The following ITGA11 variants were observed in gnomAD, a reference collection of about 807,000 sequenced individuals.
ITGA11 encodes the protein integrin subunit alpha 11, also known as integrin alpha-11.
A neutral mutation model predicts 141.9 loss-of-function variants in ITGA11; 97 were observed. The ratio of observed to expected loss-of-function variants is 0.68; its 90% confidence interval spans 0.58 to 0.81. The LOEUF is 0.81. Ranked by LOEUF, ITGA11 falls within the 30% of genes least tolerant of loss-of-function variation. The pLI, the probability that ITGA11 is intolerant of heterozygous loss-of-function variation, is 0.00. For synonymous variants in ITGA11, 658 were observed against 624.6 expected (o/e 1.05, Z -0.80); for missense variants, 1,387 against 1,559.2 (o/e 0.89, Z 1.86).
intron 10 of ITGA11, among the ~76,000 whole-genome samples, chr15:68,343,248 G>C (rs1311183038): frequency 6.6e-6 from 1 of 152,142 alleles, no homozygotes; most frequent in African/African-American, 2.4e-5. Flanking sequence ...TGTGAGAAGT[G>C]CTCTGATGGA....
chr15:68,330,009 T>G (rs7179228), intron 15 of ITGA11, among the ~76,000 whole-genome samples: 103,213 of 152,196 alleles, frequency 0.68, 37,882 homozygotes, highest in South Asian at 0.83. Context: ...TACGCCACAC[T>G]GGAAATGCTG....
Position 68,307,753 on chromosome 15 carries a change from G to T in ITGA11, c.3175-57C>A. 8.3e-7 allele frequency: 1 copy of T among 1,211,246 alleles called. No individual in the cohort carries two copies. Among genetic ancestry groups the T allele is most frequent in the Non-Finnish European group, 1.2e-6 (1 of 825,112 alleles). 75.0% of individuals were successfully genotyped at this position (1,211,246 alleles called of 1,614,324 possible). Reference sequence around the variant, plus strand: ...TGCTGGGCTAGGGGAGCAGGGGGCAGCAACACTGCTTGAACGACTGGGGCT... The same window carrying T: ...TGCTGGGCTAGGGGAGCAGGGGGCATCAACACTGCTTGAACGACTGGGGCT... On this transcript the variant is annotated intron_variant, in intron 26 of 29. Coordinates refer to ENST00000315757, the MANE Select transcript of ITGA11 (RefSeq NM_001004439.2). This position sits in a 1 kb window ranked among gnomAD's most constrained non-coding sequence, Gnocchi z 6.1.
chr15:68,319,342 G>A (rs1416319264), intron 20 of ITGA11, among the ~76,000 whole-genome samples: 1 of 152,260 alleles, frequency 6.6e-6, no homozygotes, highest in East Asian at 1.9e-4. Context: ...TTAAATGCAT[G>A]CCAAGTGCTA....
chr15:68,404,146 C>T (rs1896581089), intron 1 of ITGA11, among the ~76,000 whole-genome samples: 6 of 151,978 alleles, frequency 3.9e-5, no homozygotes, highest in Admixed American at 3.9e-4. Context: ...CTTCTCTTCC[C>T]TCCTCCTCCC....
rs1466247214 is a variant in ITGA11 at position 68,358,573 on chromosome 15, T to C, written c.485A>G (p.Tyr162Cys). 1.9e-6 allele frequency: 3 copies of C among 1,613,434 alleles called. No individual in the cohort carries two copies. The highest frequency in any genetic ancestry group is 2.5e-6 in the Non-Finnish European group (3 of 1,179,664). Reference protein sequence around the residue: ...VAPALQRCQTYMDIVIVLDGS... With the variant: ...VAPALQRCQTCMDIVIVLDGS... ...ATCCAGGACAATGACGATGTCCATG[T>C]AGGTCTGGCACCCTGGAAAGTGGGG... The change falls in exon 6 of 30, where the codon TAC becomes TGC. Residue 162 changes from tyrosine to cysteine, a missense_variant. By Grantham distance (194) the Tyr-to-Cys change is radical. Transcript: ENST00000315757.
At position 68,328,250 on chromosome 15, in the gene ITGA11, C is replaced by A. The variant is rs367746759; in HGVS notation, c.1914G>T (p.Val638=). Residue 638 remains valine (V), a synonymous_variant, in exon 16 of 30, where the codon GTG becomes GTT. Transcript: ENST00000315757. This position sits in a 1 kb window ranked among gnomAD's most constrained non-coding sequence, Gnocchi z 4.8. ...AGTGGAGGCTGGCATTGATCTGAAC[C>A]ACTGGGCGGGACCTGGAGGAGAAGG... ...GNAVILWSRP[V]VQINASLHFE... The A allele has an allele frequency of 1.5e-5, 24 of 1,613,534 alleles. No homozygotes were observed. In the African/African-American group the frequency reaches 2.8e-4, roughly 19 times the overall value.
In ITGA11 at chr15:68,305,297, T is replaced by C. The variant is rs919254128; in HGVS notation, c.3382-1412A>G. On this transcript the variant is annotated intron_variant, in intron 28 of 29. Coordinates refer to ENST00000315757, the MANE Select transcript of ITGA11 (RefSeq NM_001004439.2). This position sits in a 1 kb window ranked among gnomAD's most constrained non-coding sequence, Gnocchi z 4.6. Reference sequence around the variant, plus strand: ...TGATGTCACTTTATTGGAGAGGCTTTTCCCAACTCCCCTGTATAAAACAGC... The same window carrying C: ...TGATGTCACTTTATTGGAGAGGCTTCTCCCAACTCCCCTGTATAAAACAGC... 6.6e-6 allele frequency among the ~76,000 whole-genome samples: 1 copy of C among 152,242 alleles called. No homozygotes were observed. Among genetic ancestry groups the C allele is most frequent in the Non-Finnish European group, 1.5e-5 (1 of 68,042 alleles).
intron 9 of ITGA11, 145 bp from the exon 10 acceptor site, chr15:68,349,045 G>T (rs145528889): frequency 1.8e-4 from 132 of 718,154 alleles, no homozygotes; most frequent in Non-Finnish European, 2.9e-4. Context: ...TGAAGCTGAG[G>T]CCAGTAGTGT....
At chr15:68,354,963 G>T (rs369594070) in intron 7 of ITGA11, among the ~76,000 whole-genome samples, 2 of 152,338 alleles carry the variant, frequency 1.3e-5, no homozygotes, top group African/African-American at 4.8e-5. Flanking sequence ...GGAAGTTTGG[G>T]AAGATCAGAA....
intron 2 of ITGA11, among the ~76,000 whole-genome samples, chr15:68,384,671 T>C (rs1895941629): frequency 6.6e-6 from 1 of 152,248 alleles, no homozygotes; most frequent in Admixed American, 6.5e-5. Context: ...ACTGGGTGGT[T>C]CATCCTATCC....
rs1892950182 is a variant in ITGA11 at position 68,298,288 on chromosome 15, AG to A, written c.*4770del. 1 of 152,180 alleles carries A rather than the reference AG, an allele frequency of 6.6e-6. No homozygotes were observed. The highest frequency in any genetic ancestry group is 1.5e-5 in the Non-Finnish European group (1 of 68,034). The allele number at this position is 152,180 out of a possible 1,614,324, so 9.4% of individuals were successfully genotyped here. On this transcript the variant is annotated 3_prime_UTR_variant, in exon 30 of 30. Transcript: ENST00000315757. The stretch of plus-strand genomic sequence containing the variant: ...TGTGCTTTAGAAATTTGGTGTGCTC[AG>A]TCCATCAGAGGGGCGGACTGGGGTT...
chr15:68,355,390 A>G (rs1029699306), intron 7 of ITGA11, among the ~76,000 whole-genome samples: 1 of 152,220 alleles, frequency 6.6e-6, no homozygotes, highest in African/African-American at 2.4e-5. Context: ...TGAGGTTGGA[A>G]AAGTCTTAAT....
intron 10 of ITGA11, among the ~76,000 whole-genome samples, chr15:68,344,810 C>T (rs1022765870): frequency 6.6e-6 from 1 of 152,152 alleles, no homozygotes. Flanking sequence ...GGATCTCTTC[C>T]CACCTTGGGT....
At chr15:68,351,611 T>C (rs1894913749) in intron 7 of ITGA11, among the ~76,000 whole-genome samples, 1 of 152,210 alleles carries the variant, frequency 6.6e-6, no homozygotes, top group Non-Finnish European at 1.5e-5. Flanking sequence ...CTTAGATCTG[T>C]TGTTTTTAAA....
chr15:68,307,546 T>A lies in ITGA11; in HGVS notation c.3285+40A>T. ...AAGACATCCCAACAGCCGCCCCCTT[T>A]CCCTTCTTCCTTCCAGCCCAGCCCA... On this transcript the variant is annotated intron_variant, in intron 27 of 29. Transcript: ENST00000315757. This position sits in a 1 kb window ranked among gnomAD's most constrained non-coding sequence, Gnocchi z 6.1. 1 of 1,547,154 alleles carries A rather than the reference T, an allele frequency of 6.5e-7. No homozygotes were observed. Among genetic ancestry groups the A allele is most frequent in the Non-Finnish European group, 8.9e-7 (1 of 1,129,252 alleles).
chr15:68,316,342 C>A (rs1230804488), intron 21 of ITGA11, among the ~76,000 whole-genome samples: 1 of 152,226 alleles, frequency 6.6e-6, no homozygotes, highest in East Asian at 1.9e-4. Context: ...CGACCCTCCT[C>A]GCCTCCTCCC....
chr15:68,342,647 G>C (rs955556012), intron 10 of ITGA11, among the ~76,000 whole-genome samples: 4 of 152,198 alleles, frequency 2.6e-5, no homozygotes, highest in African/African-American at 9.6e-5. Context: ...GCCAGTCCAT[G>C]TCCCAAGCCA....
Position 68,305,802 on chromosome 15 carries a change from G to A in ITGA11, c.3381+1546C>T, listed in dbSNP as rs1177635868. Among the ~76,000 whole-genome samples, 3 of 152,120 alleles carry A rather than the reference G, an allele frequency of 2.0e-5. No individual in the cohort carries two copies. Among genetic ancestry groups the A allele is most frequent in the Non-Finnish European group, 4.4e-5 (3 of 68,024 alleles). ...GTGTGCTCTTTCTGTCCCTCAAGGC[G>A]GGCACCTGGCTCTGCCTCCCCAGCG... On this transcript the variant is annotated intron_variant, in intron 28 of 29. Coordinates refer to ENST00000315757, the MANE Select transcript of ITGA11 (RefSeq NM_001004439.2). This position sits in a 1 kb window ranked among gnomAD's most constrained non-coding sequence, Gnocchi z 4.6.
At chr15:68,362,796 T>C (rs1895288979) in intron 4 of ITGA11, among the ~76,000 whole-genome samples, 3 of 151,946 alleles carry the variant, frequency 2.0e-5, no homozygotes, top group Admixed American at 6.6e-5. Context: ...AATGGGTGAA[T>C]GAATGATGGC....
Sources: allele counts gnomAD v4.1 joint callset (sites outside exome capture counted in the v4.1 genomes callset), GRCh38; gene constraint gnomAD v4.1.1; non-coding constraint Gnocchi (gnomAD v3.1); transcripts MANE v1.5; gene names NCBI Gene and HGNC (gene_info 2026-07-23, HGNC 2026-07-21).